The following SFMBT2 variants were observed in gnomAD, a reference collection of about 807,000 sequenced individuals.
The protein encoded by SFMBT2 is scm-like with four MBT domains protein 2.
A neutral mutation model predicts 110.1 loss-of-function variants in SFMBT2; 38 were observed. That is an observed-to-expected ratio of 0.35 (90% CI 0.27 to 0.45). The LOEUF (loss-of-function observed/expected upper bound fraction) is 0.45. SFMBT2 is among the 20% of genes least tolerant of loss of function. The probability of loss-of-function intolerance (pLI) is 1.00; values close to 1 mark genes in which losing one functional copy is unlikely to be tolerated. For synonymous variants in SFMBT2, 425 were observed against 425.4 expected (o/e 1.00, Z 0.01); for missense variants, 1,011 against 1,094.9 (o/e 0.92, Z 1.08).
intron 20 of SFMBT2, among the ~76,000 whole-genome samples, chr10:7,168,049 C>T (rs549206551): frequency 2.7e-4 from 38 of 141,098 alleles, no homozygotes; most frequent in Non-Finnish European, 4.0e-4. Context: ...GCCTGGGTTA[C>T]AAGAGTAAAA....
intron 4 of SFMBT2, among the ~76,000 whole-genome samples, chr10:7,298,034 C>A (rs1842453924): frequency 6.6e-6 from 1 of 152,214 alleles, no homozygotes; most frequent in Non-Finnish European, 1.5e-5. Context: ...GCAGGTGAGG[C>A]CTGGAGGTGG....
chr10:7,166,536 G>A (rs543847523), intron 20 of SFMBT2, among the ~76,000 whole-genome samples: 105 of 152,322 alleles, frequency 6.9e-4, no homozygotes, highest in African/African-American at 2.5e-3. Flanking sequence ...GCACTTGGCT[G>A]GCCTCTGGGG....
At position 7,257,939 on chromosome 10, in the gene SFMBT2, A is replaced by G. The variant is rs77820116; in HGVS notation, c.871-9290T>C. Among the ~76,000 whole-genome samples the G allele has an allele frequency of 8.7e-3, 1,320 of 152,190 alleles. 20 individuals carry two copies. Among genetic ancestry groups the G allele is most frequent in the Middle Eastern group, 0.027 (8 of 294 alleles). On this transcript the variant is annotated intron_variant, in intron 7 of 20. Transcript: ENST00000397167. ...TGAAATCATCCTTATGCAGAAACCA[A>G]ATTCTTTTTTCATTGAGGTAGGGTC...
chr10:7,405,103 T>C (rs1846178198), intron 1 of SFMBT2, among the ~76,000 whole-genome samples: 1 of 152,204 alleles, frequency 6.6e-6, no homozygotes, highest in Non-Finnish European at 1.5e-5. Flanking sequence ...GAGGAAGACC[T>C]GCCCAGCGGC....
At chr10:7,246,125 A>G (rs1370069658) in intron 8 of SFMBT2, 1 of 983,866 alleles carries the variant, frequency 1.0e-6, no homozygotes, top group Non-Finnish European at 1.2e-6. Flanking sequence ...GTTATACAAA[A>G]CATGGTCAAT....
intron 9 of SFMBT2, among the ~76,000 whole-genome samples, chr10:7,234,108 G>C (rs766861015): frequency 5.3e-5 from 8 of 152,156 alleles, no homozygotes; most frequent in Non-Finnish European, 1.2e-4. Context: ...CTTGGGTGAT[G>C]TTCAGTTTCA....
At chr10:7,324,174 A>G (rs1318269377) in intron 4 of SFMBT2, among the ~76,000 whole-genome samples, 1 of 152,192 alleles carries the variant, frequency 6.6e-6, no homozygotes, top group African/African-American at 2.4e-5. Flanking sequence ...ATTTCTGAAC[A>G]CTTTATTTAC....
At chr10:7,353,406 C>T (rs1246706110) in intron 4 of SFMBT2, among the ~76,000 whole-genome samples, 2 of 151,084 alleles carry the variant, frequency 1.3e-5, no homozygotes, top group African/African-American at 4.9e-5. Context: ...CAAAGGAATC[C>T]AATGACGGAA....
Position 7,163,917 on chromosome 10 carries a change from G to A in SFMBT2, c.2545-7C>T. On this transcript the variant is annotated splice_region_variant and splice_polypyrimidine_tract_variant and intron_variant, in intron 20 of 20. Coordinates refer to ENST00000397167, the MANE Select transcript of SFMBT2 (RefSeq NM_001387889.1). This position sits in a 1 kb window ranked among gnomAD's most constrained non-coding sequence, Gnocchi z 4.8. ...GTGCTTGGCCGTCAATATCCTGCAG[G>A]AAAAGAAAGGCAGGTTAGAGAAGGG... 6.2e-7 allele frequency: 1 copy of A among 1,611,218 alleles called. No individual in the cohort carries two copies. Among genetic ancestry groups the A allele is most frequent in the Middle Eastern group, 1.7e-4 (1 of 6,038 alleles).
intron 10 of SFMBT2, among the ~76,000 whole-genome samples, chr10:7,225,143 CTAAG>C (rs917013737): frequency 5.9e-5 from 9 of 152,292 alleles, no homozygotes; most frequent in Non-Finnish European, 8.8e-5. Flanking sequence ...TGAAAAACCT[CTAAG>C]TAAGTTAAAA....
At chr10:7,268,579 C>T (rs905806557) in intron 7 of SFMBT2, among the ~76,000 whole-genome samples, 2 of 151,814 alleles carry the variant, frequency 1.3e-5, no homozygotes, top group Non-Finnish European at 2.9e-5. Flanking sequence ...GGCACGATCT[C>T]GGCTCACTGC....
intron 4 of SFMBT2, among the ~76,000 whole-genome samples, chr10:7,354,360 G>C (rs1300110237): frequency 6.6e-6 from 1 of 152,206 alleles, no homozygotes; most frequent in African/African-American, 2.4e-5. Flanking sequence ...TAACGTGGCA[G>C]TGTCATGAGT....
chr10:7,283,637 T>G (rs1842009020), intron 6 of SFMBT2, among the ~76,000 whole-genome samples: 1 of 152,218 alleles, frequency 6.6e-6, no homozygotes, highest in Non-Finnish European at 1.5e-5. Context: ...CAATCTACTG[T>G]GTCTTTCCTT....
chr10:7,239,579 A>T (rs1194855691), intron 9 of SFMBT2, among the ~76,000 whole-genome samples: 3 of 152,200 alleles, frequency 2.0e-5, no homozygotes, highest in African/African-American at 4.8e-5. Context: ...TACAAAAATA[A>T]ATATACTGCA....
intron 9 of SFMBT2, among the ~76,000 whole-genome samples, chr10:7,230,703 C>T (rs1840091359): frequency 6.6e-6 from 1 of 152,174 alleles, no homozygotes; most frequent in African/African-American, 2.4e-5. Flanking sequence ...GAGGCTGAGG[C>T]AGAGGCAGAT....
chr10:7,365,129 G>C (rs2764391), intron 4 of SFMBT2, among the ~76,000 whole-genome samples: 34,202 of 152,118 alleles, frequency 0.22, 4,941 homozygotes, highest in African/African-American at 0.41. Flanking sequence ...TGCCTCCCAG[G>C]GTGTGCCTCC....
Position 7,158,767 on chromosome 10 carries a change from A to G in SFMBT2, c.*5003T>C, listed in dbSNP as rs1837477262. 1 of 152,196 alleles carries G rather than the reference A, an allele frequency of 6.6e-6. No homozygotes were observed. The highest frequency in any genetic ancestry group is 1.5e-5 in the Non-Finnish European group (1 of 68,030). The allele number at this position is 152,196 out of a possible 1,614,324, so 9.4% of individuals were successfully genotyped here. On this transcript the variant is annotated 3_prime_UTR_variant, in exon 21 of 21. Transcript: ENST00000397167. ...CATGAAAACATATATACAGAATACA[A>G]TCTTACAGCAAACCAAAAGCATGCC...
intron 4 of SFMBT2, chr10:7,295,339 C>A (rs1842377037): frequency 6.6e-6 from 1 of 152,290 alleles, no homozygotes; most frequent in South Asian, 2.1e-4. Context: ...CCCATGCCCA[C>A]TGTGTCCAAA....
intron 4 of SFMBT2, among the ~76,000 whole-genome samples, chr10:7,316,883 AAC>A (rs34939303): frequency 0.43 from 64,949 of 151,256 alleles, 14,629 homozygotes; most frequent in African/African-American, 0.59. Flanking sequence ...CCCACACATA[AAC>A]ACACACACAC....
Sources: gnomAD v4.1 joint callset for allele counts (sites outside exome capture counted in the v4.1 genomes callset) on GRCh38, gnomAD v4.1.1 for gene constraint, Gnocchi (gnomAD v3.1) non-coding constraint, MANE v1.5 for transcripts, NCBI Gene and HGNC (gene_info 2026-07-23, HGNC 2026-07-21) for gene names.